ADAP2: variants seen among roughly 807,000 people sequenced by gnomAD.
ADAP2 encodes the protein arf-GAP with dual PH domain-containing protein 2.
Under a neutral mutation model 54.9 loss-of-function variants are expected in ADAP2, and 42 were observed. That is an observed-to-expected ratio of 0.77 (90% CI 0.60 to 0.99). ADAP2 has a LOEUF of 0.99. Among genes scored for constraint, ADAP2 ranks in the 50% least tolerant of loss-of-function variants. The pLI is 0.00. For missense variants in ADAP2, 429 were observed against 480.4 expected, an observed-to-expected ratio of 0.89 and a Z score of 1.00; for synonymous variants, 177 against 180.1, an observed-to-expected ratio of 0.98 and a Z score of 0.14.
chr17:30,925,566 TCTC>T (rs1010261317), intron 2 of ADAP2, among the ~76,000 whole-genome samples: 11 of 149,164 alleles, frequency 7.4e-5, no homozygotes, highest in African/African-American at 2.4e-4. Context: ...TTCTTCTTCT[TCTC>T]TTTTCTTTTC....
rs190122325 is a variant in ADAP2 at position 30,921,976 on chromosome 17, G to C, written c.-39G>C. ...CTCCACCTGCCGGGCGGAGCGCACG[G>C]GCCATGGGCTGAGCCCCGCTGAGCC... On this transcript the variant is annotated 5_prime_UTR_variant, in exon 1 of 11. Coordinates refer to ENST00000330889, the MANE Select transcript of ADAP2 (RefSeq NM_018404.3). The C allele has an allele frequency of 5.3e-4, 655 of 1,240,252 alleles. 3 individuals are homozygous for C. The Admixed American group carries it at 0.015, about 29-fold the overall frequency. 76.8% of individuals were successfully genotyped at this position (1,240,252 alleles called of 1,614,324 possible).
chr17:30,931,863 G>C (rs891733087), intron 3 of ADAP2, 26 bp from the exon 4 acceptor site: 15 of 1,556,656 alleles, frequency 9.6e-6, no homozygotes, highest in African/African-American at 1.4e-5. Flanking sequence ...ATCAAACGCA[G>C]CTGACCTCAG....
At chr17:30,952,680 G>C (rs1464137882) in intron 7 of ADAP2, among the ~76,000 whole-genome samples, 2 of 152,108 alleles carry the variant, frequency 1.3e-5, no homozygotes, top group South Asian at 2.1e-4. Flanking sequence ...CCAGCCTCTG[G>C]CCATTATTTT....
rs200602165 is a variant in ADAP2 at position 30,923,084 on chromosome 17, C to T, written c.225+14C>T. The T allele has an allele frequency of 2.5e-4, 396 of 1,612,732 alleles. No individual in the cohort carries two copies. The African/African-American group carries it at 4.6e-3, about 19-fold the overall frequency. Reference sequence around the variant, plus strand: ...AGTATTGTGGAGGTAGAAAGGCATGCCCGTGGAGAGCCATGGAACTGCGGG... The same window carrying T: ...AGTATTGTGGAGGTAGAAAGGCATGTCCGTGGAGAGCCATGGAACTGCGGG... On this transcript the variant is annotated intron_variant, in intron 2 of 10. Coordinates refer to ENST00000330889, the MANE Select transcript of ADAP2 (RefSeq NM_018404.3).
At chr17:30,944,715 C>T (rs549148375) in intron 5 of ADAP2, among the ~76,000 whole-genome samples, 192 bp from the exon 6 acceptor site, 1 of 152,224 alleles carries the variant, frequency 6.6e-6, no homozygotes, top group East Asian at 2.0e-4. Context: ...CCACCTCAGC[C>T]TCCCAAAGTG....
chr17:30,957,556 T>C (rs527714366), intron 10 of ADAP2, among the ~76,000 whole-genome samples: 129 of 152,278 alleles, frequency 8.5e-4, no homozygotes, highest in African/African-American at 2.8e-3. Flanking sequence ...GCCTCCCAAG[T>C]AGCTGGGACT....
chr17:30,926,950 G>A, intron 3 of ADAP2, 32 bp downstream of exon 3: 1 of 1,552,942 alleles, frequency 6.4e-7, no homozygotes, highest in Non-Finnish European at 8.9e-7. Flanking sequence ...GACTGGGTGA[G>A]GGGTCTGTCC....
intron 3 of ADAP2, 78 bp downstream of exon 3, chr17:30,926,996 C>A: frequency 8.6e-7 from 1 of 1,161,730 alleles, no homozygotes. Context: ...TCTTTGGTGT[C>A]TTCATCTGTG....
intron 3 of ADAP2, among the ~76,000 whole-genome samples, chr17:30,929,605 C>G (rs1895480598): frequency 6.6e-6 from 1 of 152,180 alleles, no homozygotes; most frequent in Non-Finnish European, 1.5e-5. Context: ...ATCTTGTGTC[C>G]CAGGGTTTCC....
chr17:30,938,763 C>T (rs1044950340), intron 5 of ADAP2, among the ~76,000 whole-genome samples: 5 of 152,052 alleles, frequency 3.3e-5, no homozygotes, highest in Non-Finnish European at 7.4e-5. Flanking sequence ...AAAGGTCTGT[C>T]TATGGGGAGG....
At chr17:30,942,858 A>G (rs1326674432) in intron 5 of ADAP2, among the ~76,000 whole-genome samples, 8 of 152,240 alleles carry the variant, frequency 5.3e-5, no homozygotes, top group East Asian at 1.9e-4. Flanking sequence ...GATACCATCT[A>G]TACCAGTCAG....
intron 5 of ADAP2, among the ~76,000 whole-genome samples, chr17:30,940,323 G>A (rs1339557206): frequency 1.6e-5 from 2 of 125,952 alleles, no homozygotes; most frequent in Middle Eastern, 3.7e-3. Context: ...TTTTTTTTTC[G>A]AGATGGAGTC....
intron 7 of ADAP2, among the ~76,000 whole-genome samples, chr17:30,952,763 AC>A (rs1432934527): frequency 1.3e-5 from 2 of 152,078 alleles, no homozygotes; most frequent in African/African-American, 4.8e-5. Context: ...GCATATTTAT[AC>A]TTTAGCACCT....
chr17:30,949,151 G>C, intron 6 of ADAP2, 136 bp from the exon 7 acceptor site: 1 of 662,142 alleles, frequency 1.5e-6, no homozygotes, highest in Non-Finnish European at 2.7e-6. Flanking sequence ...CCCCTGAGCC[G>C]AGCTGTGGGG....
intron 6 of ADAP2, among the ~76,000 whole-genome samples, chr17:30,948,344 C>T (rs551121537): frequency 4.3e-4 from 65 of 151,370 alleles, no homozygotes; most frequent in African/African-American, 1.5e-3. Context: ...TTTGGGAGGC[C>T]GAGGCGGGCA....
intron 5 of ADAP2, among the ~76,000 whole-genome samples, chr17:30,941,059 G>T (rs555011945): frequency 1.3e-5 from 2 of 152,276 alleles, no homozygotes; most frequent in African/African-American, 4.8e-5. Flanking sequence ...TCAAAGAACT[G>T]CCTCAGGATC....
chr17:30,945,617 A>C (rs555413385), intron 6 of ADAP2, among the ~76,000 whole-genome samples: 2 of 152,074 alleles, frequency 1.3e-5, no homozygotes, highest in South Asian at 4.2e-4. Flanking sequence ...TTAGCTAAGC[A>C]TGGTGGCATG....
intron 3 of ADAP2, among the ~76,000 whole-genome samples, chr17:30,928,174 CAGA>C (rs572433127): frequency 9.3e-6 from 1 of 107,742 alleles, no homozygotes; most frequent in African/African-American, 3.7e-5. Context: ...GCCTGGGCAA[CAGA>C]AGGAGACTGT....
intron 9 of ADAP2, 97 bp downstream of exon 9, chr17:30,954,652 C>T (rs746284010): frequency 3.0e-6 from 3 of 988,986 alleles, no homozygotes; most frequent in South Asian, 1.4e-5. Context: ...AACACATCTC[C>T]CAGAGCCCCA....
Sources: allele counts gnomAD v4.1 joint callset (sites outside exome capture counted in the v4.1 genomes callset), GRCh38; gene constraint gnomAD v4.1.1; transcripts MANE v1.5; gene names NCBI Gene and HGNC (gene_info 2026-07-23, HGNC 2026-07-21).